The following THADA variants were observed in gnomAD, a reference collection of about 807,000 sequenced individuals.
THADA encodes the protein tRNA (32-2'-O)-methyltransferase regulator THADA.
THADA carries 213 observed loss-of-function variants against 219.8 expected under a neutral mutation model. The observed-to-expected ratio is 0.97, with a 90% CI of 0.87 to 1.09. The LOEUF (loss-of-function observed/expected upper bound fraction) is 1.09, where lower values mean the gene tolerates loss of function less well. Ranked by LOEUF, THADA falls within the 50% of genes least tolerant of loss-of-function variation. The pLI is 0.00. For missense variants in THADA, 2,956 were observed against 2,311.3 expected (o/e 1.28, Z -5.72); for synonymous variants, 1,018 against 828.9 (o/e 1.23, Z -3.92).
At chr2:43,322,630 C>T (rs1436212265) in intron 30 of THADA, among the ~76,000 whole-genome samples, 1 of 150,806 alleles carries the variant, frequency 6.6e-6, no homozygotes, top group African/African-American at 2.4e-5. Flanking sequence ...TCGAGGCAAC[C>T]GCTATTACTA....
At chr2:43,532,717 C>T (rs1371428149) in intron 21 of THADA, among the ~76,000 whole-genome samples, 1 of 152,178 alleles carries the variant, frequency 6.6e-6, no homozygotes, top group Non-Finnish European at 1.5e-5. Flanking sequence ...TCTCTCACCA[C>T]TCCTATTCAA....
chr2:43,537,294 G>A (rs1313002728), intron 21 of THADA, among the ~76,000 whole-genome samples: 1 of 152,192 alleles, frequency 6.6e-6, no homozygotes, highest in Non-Finnish European at 1.5e-5. Flanking sequence ...TTTTTAAAAT[G>A]AATTTCTGTC....
intron 26 of THADA, among the ~76,000 whole-genome samples, chr2:43,451,444 G>A (rs969778783): frequency 3.9e-5 from 6 of 152,054 alleles, no homozygotes; most frequent in African/African-American, 1.4e-4. Context: ...AACATTAACA[G>A]TTACTGTTGT....
chr2:43,586,743 G>A lies in THADA; in HGVS notation c.452-9C>T. On this transcript the variant is annotated splice_polypyrimidine_tract_variant and intron_variant, in intron 5 of 37. Transcript: ENST00000405975. ...ATTAACACTTGCTCTACCTGTAGAG[G>A]AAAAAATGAACACTGGTAAGGAGTT... is the stretch of plus-strand genomic sequence containing the variant. The A allele has an allele frequency of 1.2e-6, 2 of 1,611,648 alleles. No homozygotes were observed. Among genetic ancestry groups the A allele is most frequent in the East Asian group, 2.2e-5 (1 of 44,830 alleles).
chr2:43,476,813 T>C (rs1415040976), intron 26 of THADA, among the ~76,000 whole-genome samples: 1 of 152,168 alleles, frequency 6.6e-6, no homozygotes, highest in African/African-American at 2.4e-5. Flanking sequence ...GGCACTATCT[T>C]CCCCATACTA....
chr2:43,318,196 C>T (rs1678292690), intron 31 of THADA, among the ~76,000 whole-genome samples: 1 of 151,956 alleles, frequency 6.6e-6, no homozygotes, highest in Non-Finnish European at 1.5e-5. Flanking sequence ...TGTGCTACCA[C>T]ATGTGGCTAA....
At chr2:43,455,545 C>T (rs1002729420) in intron 26 of THADA, among the ~76,000 whole-genome samples, 1 of 151,954 alleles carries the variant, frequency 6.6e-6, no homozygotes, top group Non-Finnish European at 1.5e-5. Context: ...CACACACAAA[C>T]ACACACAACA....
At chr2:43,506,330 G>C (rs1416741428) in intron 23 of THADA, among the ~76,000 whole-genome samples, 1 of 152,100 alleles carries the variant, frequency 6.6e-6, no homozygotes, top group East Asian at 1.9e-4. Context: ...TACTTACTTT[G>C]TATCTAACAC....
At chr2:43,385,904 T>C (rs1395410108) in intron 29 of THADA, among the ~76,000 whole-genome samples, 2 of 151,936 alleles carry the variant, frequency 1.3e-5, no homozygotes, top group East Asian at 1.9e-4. Context: ...CAAATAATCT[T>C]AGACCTTTTT....
chr2:43,518,784 CAT>C (rs1352936080), intron 22 of THADA, among the ~76,000 whole-genome samples: 2 of 152,144 alleles, frequency 1.3e-5, no homozygotes, highest in African/African-American at 4.8e-5. Context: ...GACTTTCAAA[CAT>C]ATACCTCCAG....
At chr2:43,283,518 C>A (rs1048636804) in intron 35 of THADA, among the ~76,000 whole-genome samples, 1 of 152,194 alleles carries the variant, frequency 6.6e-6, no homozygotes, top group African/African-American at 2.4e-5. Context: ...CAATGAAGTC[C>A]AGACTGAGGT....
At chr2:43,563,840 T>G (rs538224916) in intron 15 of THADA, 1 of 152,192 alleles carries the variant, frequency 6.6e-6, no homozygotes, top group Non-Finnish European at 1.5e-5. Flanking sequence ...CTGTACTTCA[T>G]AGTCAAGGTT....
chr2:43,269,847 C>T (rs6749108), intron 36 of THADA, among the ~76,000 whole-genome samples: 51,246 of 152,012 alleles, frequency 0.34, 8,857 homozygotes, highest in South Asian at 0.51. Flanking sequence ...CAGCCAGCTA[C>T]GGAGAGAGGC....
Position 43,560,348 on chromosome 2 carries a change from A to C in THADA, c.2349T>G (p.Ile783Met). The change falls in exon 16 of 38, where the codon ATT (isoleucine) becomes ATG (methionine). Residue 783 changes from isoleucine (I) to methionine (M), a missense_variant. Physicochemically the swap from Ile to Met is conservative, Grantham distance 10 (BLOSUM62 1). Transcript: ENST00000405975. ...IYTVYQLSHD[I>M]DVGRFQTLME... ...TTAGTGTTTGGAAACGACCAACATCAATATCATGACTCAGCTGATATACTG... is the reference window on the plus strand; with the variant it reads ...TTAGTGTTTGGAAACGACCAACATCCATATCATGACTCAGCTGATATACTG... 1.1e-5 allele frequency: 17 copies of C among 1,611,910 alleles called. No individual in the cohort carries two copies. The highest frequency in any genetic ancestry group is 1.4e-5 in the Non-Finnish European group (17 of 1,178,860).
At position 43,326,032 on chromosome 2, in the gene THADA, T is replaced by C. The variant is rs1181639210; in HGVS notation, c.4344-5492A>G. On this transcript the variant is annotated intron_variant, in intron 30 of 37. Transcript: ENST00000405975. The stretch of plus-strand genomic sequence containing the variant: ...AGCAAATTCCCTCTCTGTTGCATTT[T>C]TGGCAATTTATATCTTACGCAGCTA... Among the ~76,000 whole-genome samples, 8 of 152,334 alleles carry C rather than the reference T, an allele frequency of 5.3e-5. No individual in the cohort carries two copies. The East Asian group carries it at 1.5e-3, about 29-fold the overall frequency.
At chr2:43,584,653 G>C (rs1323690865) in intron 7 of THADA, among the ~76,000 whole-genome samples, 1 of 152,204 alleles carries the variant, frequency 6.6e-6, no homozygotes, top group African/African-American at 2.4e-5. Context: ...TATTTCAGAA[G>C]CTGCAAAGCA....
chr2:43,366,885 T>C (rs1002535580), intron 29 of THADA, among the ~76,000 whole-genome samples: 11 of 152,192 alleles, frequency 7.2e-5, no homozygotes, highest in Middle Eastern at 3.2e-3. Flanking sequence ...CCATGTTCAA[T>C]GTACAGCAAA....
chr2:43,452,359 C>T (rs1441272866), intron 26 of THADA, among the ~76,000 whole-genome samples: 1 of 152,108 alleles, frequency 6.6e-6, no homozygotes, highest in Non-Finnish European at 1.5e-5. Context: ...AATGACTGTA[C>T]TCATTTCCTT....
intron 26 of THADA, among the ~76,000 whole-genome samples, chr2:43,479,891 A>C (rs918074080): frequency 2.0e-5 from 3 of 152,222 alleles, no homozygotes; most frequent in African/African-American, 7.2e-5. Context: ...TCTTAAAGTC[A>C]ACCCAAAACA....
Sources: gnomAD v4.1 joint callset for allele counts (sites outside exome capture counted in the v4.1 genomes callset) on GRCh38, gnomAD v4.1.1 for gene constraint, MANE v1.5 for transcripts, NCBI Gene and HGNC (gene_info 2026-07-23, HGNC 2026-07-21) for gene names.